Variants in NCOA2 observed in about 807,000 individuals in gnomAD.
NCOA2 encodes nuclear receptor coactivator 2, also known as class E basic helix-loop-helix protein 75.
A neutral mutation model predicts 145.1 loss-of-function variants in NCOA2; 21 were observed. The observed-to-expected ratio is 0.14, with a 90% CI of 0.10 to 0.21. NCOA2 has a LOEUF of 0.21. NCOA2 is among the 10% of genes least tolerant of loss of function. The probability of loss-of-function intolerance (pLI) is 1.00; values close to 1 mark genes in which losing one functional copy is unlikely to be tolerated. For synonymous variants in NCOA2, 619 were observed against 637.5 expected, an observed-to-expected ratio of 0.97 and a Z score of 0.44; for missense variants, 1,472 against 1,837.6, an observed-to-expected ratio of 0.80 and a Z score of 3.64.
chr8:70,362,410 G>A (rs1030849729), intron 1 of NCOA2, among the ~76,000 whole-genome samples: 7 of 152,016 alleles, frequency 4.6e-5, no homozygotes, highest in East Asian at 1.9e-4. Context: ...CTCACAAGTC[G>A]CATATCTGAT....
chr8:70,233,665 C>G (rs375348713), intron 2 of NCOA2, among the ~76,000 whole-genome samples: 1 of 152,186 alleles, frequency 6.6e-6, no homozygotes, highest in Non-Finnish European at 1.5e-5. Flanking sequence ...AAAAATCACA[C>G]CCCTTCCGTG....
chr8:70,345,245 T>C (rs1348171309), intron 1 of NCOA2, among the ~76,000 whole-genome samples: 2 of 152,202 alleles, frequency 1.3e-5, no homozygotes, highest in East Asian at 3.8e-4. Context: ...CTCAAATAAT[T>C]TGTAAACATA....
intron 4 of NCOA2, among the ~76,000 whole-genome samples, chr8:70,207,989 T>A (rs1053191353): frequency 1.3e-5 from 2 of 151,814 alleles, no homozygotes; most frequent in Non-Finnish European, 2.9e-5. Context: ...TGGTGACTCA[T>A]GCCTATAATC....
chr8:70,125,405 G>A (rs1808300213), intron 19 of NCOA2, among the ~76,000 whole-genome samples: 1 of 152,106 alleles, frequency 6.6e-6, no homozygotes, highest in Admixed American at 6.5e-5. Context: ...GGGACTACAG[G>A]CATGCACGAC....
intron 4 of NCOA2, among the ~76,000 whole-genome samples, chr8:70,192,034 T>C (rs1563595917): frequency 6.6e-6 from 1 of 151,838 alleles, no homozygotes; most frequent in Admixed American, 6.6e-5. Context: ...AGAGTGAGAA[T>C]CCGTCTCAAA....
At chr8:70,440,102 C>T in the NCOA2 span, among the ~76,000 whole-genome samples, 130,122 of 152,050 alleles carry the variant, frequency 0.86, 56,531 homozygotes, top group East Asian at 0.98. Flanking sequence ...CTGGCTAACA[C>T]TGTGAAGCCC....
chr8:70,207,167 C>G (rs1033678852), intron 4 of NCOA2, among the ~76,000 whole-genome samples: 2 of 152,058 alleles, frequency 1.3e-5, no homozygotes, highest in African/African-American at 4.8e-5. Flanking sequence ...TGAATGAAAG[C>G]AATACATACA....
intron 1 of NCOA2, among the ~76,000 whole-genome samples, chr8:70,326,510 A>T (rs1046658850): frequency 6.6e-6 from 1 of 152,020 alleles, no homozygotes; most frequent in African/African-American, 2.4e-5. Flanking sequence ...CTAAAATTAT[A>T]CAGAAAACAA....
the NCOA2 span, chr8:70,424,516 G>A: frequency 1.1e-5 from 6 of 530,430 alleles, no homozygotes; most frequent in Admixed American, 1.9e-5. Flanking sequence ...CTGCCAACAT[G>A]GATGTTGGTG....
At chr8:70,299,475 C>T (rs575344184) in intron 1 of NCOA2, among the ~76,000 whole-genome samples, 71 of 152,196 alleles carry the variant, frequency 4.7e-4, no homozygotes, top group Admixed American at 8.5e-4. Flanking sequence ...ATAAAGATCT[C>T]TTACAACTTA....
intron 2 of NCOA2, among the ~76,000 whole-genome samples, chr8:70,238,151 C>A (rs1011335025): frequency 6.6e-6 from 1 of 151,494 alleles, no homozygotes; most frequent in African/African-American, 2.4e-5. Flanking sequence ...CATGTGCACA[C>A]GCGCGCGCGC....
At chr8:70,320,492 T>C (rs919136708) in intron 1 of NCOA2, among the ~76,000 whole-genome samples, 12 of 152,176 alleles carry the variant, frequency 7.9e-5, no homozygotes, top group African/African-American at 2.9e-4. Flanking sequence ...ACATGAAAGA[T>C]ATGGTTTTAT....
chr8:70,317,826 AAGGCAGG>A (rs1401290391), intron 1 of NCOA2, among the ~76,000 whole-genome samples: 1 of 152,124 alleles, frequency 6.6e-6, no homozygotes, highest in Non-Finnish European at 1.5e-5. Flanking sequence ...TTGGGAGGCC[AAGGCAGG>A]AGGACTGCTT....
chr8:70,284,819 T>C (rs1033444644), intron 2 of NCOA2, among the ~76,000 whole-genome samples: 1 of 151,012 alleles, frequency 6.6e-6, no homozygotes, highest in Non-Finnish European at 1.5e-5. Flanking sequence ...AGGCACAATA[T>C]GGAGAGAGGA....
intron 1 of NCOA2, among the ~76,000 whole-genome samples, chr8:70,396,871 A>G (rs1813719740): frequency 1.3e-5 from 2 of 152,316 alleles, no homozygotes; most frequent in Middle Eastern, 6.8e-3. Context: ...TAAAAGAAAG[A>G]CTTTTTCAGA....
intron 1 of NCOA2, among the ~76,000 whole-genome samples, chr8:70,361,064 G>A (rs1381362297): frequency 6.6e-6 from 1 of 151,630 alleles, no homozygotes; most frequent in African/African-American, 2.4e-5. Flanking sequence ...AAAAAATTAA[G>A]ATAAAATTCT....
chr8:70,153,381 C>G (rs973854954), intron 11 of NCOA2, among the ~76,000 whole-genome samples: 1 of 152,148 alleles, frequency 6.6e-6, no homozygotes, highest in Non-Finnish European at 1.5e-5. Flanking sequence ...AAATAAATAA[C>G]CTGAAACTGC....
At chr8:70,153,406 G>A (rs1005479374) in intron 11 of NCOA2, among the ~76,000 whole-genome samples, 1 of 152,194 alleles carries the variant, frequency 6.6e-6, no homozygotes, top group Non-Finnish European at 1.5e-5. Context: ...GACTCAAGGA[G>A]TTTTTAAAAA....
intron 4 of NCOA2, among the ~76,000 whole-genome samples, chr8:70,207,552 T>C (rs892040761): frequency 7.2e-5 from 11 of 151,882 alleles, no homozygotes; most frequent in African/African-American, 2.2e-4. Flanking sequence ...AGTGGAAAAA[T>C]AGTTAATCTT....
Sources: gnomAD v4.1 joint callset for allele counts (sites outside exome capture counted in the v4.1 genomes callset) on GRCh38, gnomAD v4.1.1 for gene constraint, MANE v1.5 for transcripts, NCBI Gene and HGNC (gene_info 2026-07-23, HGNC 2026-07-21) for gene names.